The following FRMD3 variants were observed in gnomAD, a reference collection of about 807,000 sequenced individuals.
FRMD3 encodes FERM domain-containing protein 3.
FRMD3 carries 33 observed loss-of-function variants against 70.2 expected under a neutral mutation model. That is an observed-to-expected ratio of 0.47 (90% CI 0.36 to 0.63). The LOEUF (loss-of-function observed/expected upper bound fraction) is 0.63, where lower values mean the gene tolerates loss of function less well. Among genes scored for constraint, FRMD3 ranks in the 20% least tolerant of loss-of-function variants. The pLI is 0.00. For synonymous variants in FRMD3, 279 were observed against 255.9 expected (o/e 1.09, Z -0.86); for missense variants, 632 against 711.4 (o/e 0.89, Z 1.27).
intron 13 of FRMD3, among the ~76,000 whole-genome samples, chr9:83,283,275 A>G (rs750140733): frequency 1.3e-5 from 2 of 152,086 alleles, no homozygotes; most frequent in Non-Finnish European, 2.9e-5. Context: ...TCACGCCTGT[A>G]ATCCCAGCAC....
chr9:83,520,408 A>G (rs1036258905), intron 1 of FRMD3, among the ~76,000 whole-genome samples: 2 of 152,222 alleles, frequency 1.3e-5, no homozygotes, highest in Non-Finnish European at 2.9e-5. Context: ...GATGTATGTA[A>G]TGCAAAGCTT....
intron 1 of FRMD3, among the ~76,000 whole-genome samples, chr9:83,420,630 C>T (rs1329656390): frequency 2.0e-5 from 3 of 152,166 alleles, no homozygotes; most frequent in Admixed American, 6.5e-5. Flanking sequence ...CTCCCGATCT[C>T]ATGTTGAAAT....
chr9:83,525,170 C>T (rs1405445265), intron 1 of FRMD3, among the ~76,000 whole-genome samples: 2 of 152,114 alleles, frequency 1.3e-5, no homozygotes, highest in African/African-American at 2.4e-5. Context: ...TTTAGCATCA[C>T]GGACTAGAGT....
chr9:83,538,388 G>C lies in FRMD3; in HGVS notation c.-157C>G. On this transcript the variant is annotated 5_prime_UTR_variant, in exon 1 of 14. Transcript: ENST00000304195. The surrounding 1 kb of genome is among the most constrained non-coding windows in gnomAD (Gnocchi z 4.7). ...GCGCCTGCGGACACACATGCCCAGC[G>C]GCCGGGGCGCGGCGGGCGGGTCCCT... The C allele has an allele frequency of 1.8e-6, 1 of 550,614 alleles. No homozygotes were observed. The highest frequency in any genetic ancestry group is 2.7e-6 in the Non-Finnish European group (1 of 368,066). 34.1% of individuals were successfully genotyped at this position (550,614 alleles called of 1,614,324 possible).
chr9:83,393,450 G>GT (rs1294256454), intron 1 of FRMD3, among the ~76,000 whole-genome samples: 7 of 152,174 alleles, frequency 4.6e-5, no homozygotes, highest in Non-Finnish European at 8.8e-5. Flanking sequence ...CGACAGGGTG[G>GT]TGGGATGGTT....
intron 1 of FRMD3, among the ~76,000 whole-genome samples, chr9:83,472,097 G>C (rs1315728953): frequency 8.6e-6 from 1 of 116,290 alleles, no homozygotes; most frequent in East Asian, 2.1e-4. Flanking sequence ...ATGCCACTGG[G>C]AAAAACTCCA....
chr9:83,243,301 A>T (rs566285517), downstream of FRMD3: 10 of 1,342,134 alleles, frequency 7.5e-6, no homozygotes, highest in South Asian at 1.3e-4. Context: ...GACCTTCAGC[A>T]CATTGTCTCC....
At chr9:83,508,746 G>A (rs916549277) in intron 1 of FRMD3, among the ~76,000 whole-genome samples, 4 of 152,080 alleles carry the variant, frequency 2.6e-5, no homozygotes, top group African/African-American at 7.2e-5. Flanking sequence ...ACTGCAGCAC[G>A]TGCCCAATCC....
intron 1 of FRMD3, among the ~76,000 whole-genome samples, chr9:83,424,728 T>A (rs1826752633): frequency 6.6e-6 from 1 of 152,216 alleles, no homozygotes; most frequent in African/African-American, 2.4e-5. Context: ...CACGGTTTCA[T>A]CTTTAAAAAC....
intron 10 of FRMD3, among the ~76,000 whole-genome samples, chr9:83,300,653 G>A (rs895284329): frequency 6.6e-6 from 1 of 152,112 alleles, no homozygotes; most frequent in African/African-American, 2.4e-5. Flanking sequence ...ATTCATCCAT[G>A]TAATTGAAAA....
At chr9:83,281,795 T>C (rs1587672334) in intron 13 of FRMD3, among the ~76,000 whole-genome samples, 2 of 152,114 alleles carry the variant, frequency 1.3e-5, no homozygotes, top group Non-Finnish European at 2.9e-5. Context: ...ACACACTCGG[T>C]CCCCAGCCTT....
chr9:83,494,674 G>T (rs1403363421), intron 1 of FRMD3, among the ~76,000 whole-genome samples: 1 of 152,212 alleles, frequency 6.6e-6, no homozygotes, highest in Non-Finnish European at 1.5e-5. Flanking sequence ...AACCCAAGGT[G>T]GGGAGGATTG....
At chr9:83,308,810 T>C (rs919993261) in intron 10 of FRMD3, among the ~76,000 whole-genome samples, 5 of 152,180 alleles carry the variant, frequency 3.3e-5, no homozygotes, top group Admixed American at 6.5e-5. Flanking sequence ...CTTCTTACTA[T>C]GAACACAGGT....
chr9:83,384,452 C>G (rs1587800593), intron 2 of FRMD3, among the ~76,000 whole-genome samples: 1 of 152,164 alleles, frequency 6.6e-6, no homozygotes, highest in African/African-American at 2.4e-5. Flanking sequence ...TTATTCCATT[C>G]CACGTCCTCC....
chr9:83,331,250 T>C (rs894665716), intron 6 of FRMD3, among the ~76,000 whole-genome samples: 1 of 152,118 alleles, frequency 6.6e-6, no homozygotes, highest in East Asian at 1.9e-4. Context: ...ATACAGACAA[T>C]GGAATATTAT....
chr9:83,251,638 T>C (rs756396846), intron 13 of FRMD3, among the ~76,000 whole-genome samples: 6 of 152,140 alleles, frequency 3.9e-5, no homozygotes, highest in Non-Finnish European at 8.8e-5. Flanking sequence ...ATACAGGGGC[T>C]GATAGCCAGA....
intron 1 of FRMD3, among the ~76,000 whole-genome samples, chr9:83,466,094 C>T (rs1442780574): frequency 6.6e-6 from 1 of 152,180 alleles, no homozygotes; most frequent in African/African-American, 2.4e-5. Flanking sequence ...CATGAGCATC[C>T]AGTCCAAGGG....
chr9:83,278,670 A>T (rs1833869844), intron 13 of FRMD3, among the ~76,000 whole-genome samples: 2 of 152,174 alleles, frequency 1.3e-5, no homozygotes, highest in Admixed American at 6.5e-5. Flanking sequence ...AGGATGACCC[A>T]CGTGGACTGT....
At chr9:83,452,637 G>A (rs1367984337) in intron 1 of FRMD3, among the ~76,000 whole-genome samples, 11 of 150,642 alleles carry the variant, frequency 7.3e-5, no homozygotes, top group African/African-American at 2.0e-4. Context: ...GCCCACCACC[G>A]CACCCAGCTA....
Sources: allele counts gnomAD v4.1 joint callset (sites outside exome capture counted in the v4.1 genomes callset), GRCh38; gene constraint gnomAD v4.1.1; non-coding constraint Gnocchi (gnomAD v3.1); transcripts MANE v1.5; gene names NCBI Gene and HGNC (gene_info 2026-07-23, HGNC 2026-07-21).